The following TTN variants were observed in gnomAD, a reference collection of about 807,000 sequenced individuals.
The protein encoded by TTN is titin.
Under a neutral mutation model 3,223.0 loss-of-function variants are expected in TTN, and 1,525 were observed. The observed-to-expected ratio is 0.47, with a 90% CI of 0.45 to 0.49. The LOEUF is 0.49. Among genes scored for constraint, TTN ranks in the 20% least tolerant of loss-of-function variants. The pLI, the probability that TTN is intolerant of heterozygous loss-of-function variation, is 0.00. For synonymous variants in TTN, 14,094 were observed against 15,161.0 expected (o/e 0.93, Z 5.17); for missense variants, 40,786 against 43,424.0 (o/e 0.94, Z 5.40).
In TTN at chr2:178,739,442, C is replaced by T; in HGVS notation, c.13791G>A (p.Glu4597=). The change falls in exon 48 of 363, where the codon GAG becomes GAA. Residue 4597 remains glutamate (E), a synonymous_variant. Transcript: ENST00000589042. The part of the protein sequence containing the change: ...EVATVKIQEA[E]GGLIKEDGPM... ...GGCCATCCTCTTTGATTAAGCCACC[C>T]TCAGCTTCCTGTATCTTTACTGTAG... is the stretch of plus-strand genomic sequence containing the variant. 1.2e-6 allele frequency: 2 copies of T among 1,613,774 alleles called. No homozygotes were observed. Among genetic ancestry groups the T allele is most frequent in the Non-Finnish European group, 1.7e-6 (2 of 1,179,820 alleles).
chr2:178,669,482 A>G (rs772733994), intron 158 of TTN, 35 bp from the exon 159 acceptor site: 2 of 1,566,954 alleles, frequency 1.3e-6, no homozygotes, highest in Non-Finnish European at 1.7e-6. Context: ...TGTTACAGAT[A>G]ACAAATATAA....
At position 178,533,433 on chromosome 2, in the gene TTN, T is replaced by C. The variant is rs1434132972; in HGVS notation, c.103182A>G (p.Leu34394=). 1.9e-6 allele frequency: 3 copies of C among 1,613,808 alleles called. No homozygotes were observed. In the African/African-American group the frequency reaches 4.0e-5, roughly 22 times the overall value. ...GTGGCTGACCATCTTTCTCCCATTT[T>C]AATGTTGGTGGGGGGATGCCAGACA... ...IRVSGIPPPT[L]KWEKDGQPLS... is the part of the protein sequence containing the mutation. The change falls in exon 358 of 363, where the codon TTA becomes TTG. Residue 34394 remains leucine, a synonymous_variant. Transcript: ENST00000589042.
chr2:178,727,411 A>C (rs1337957694), intron 68 of TTN, 40 bp from the exon 69 acceptor site: 2 of 1,523,694 alleles, frequency 1.3e-6, no homozygotes, highest in Non-Finnish European at 1.8e-6. Flanking sequence ...GGGAACAGAA[A>C]TAAATAACAA....
At position 178,583,812 on chromosome 2, in the gene TTN, A is replaced by C. The variant is rs764130758; in HGVS notation, c.65370T>G (p.Ile21790Met). Reference sequence around the variant, plus strand: ...GTTTGCAAGCTTCTACGAAATAGCCAATAATTTTACTGCCTCCATCATGCT... The same window carrying C: ...GTTTGCAAGCTTCTACGAAATAGCCCATAATTTTACTGCCTCCATCATGCT... Reference protein sequence around the residue: ...RPKHDGGSKIIGYFVEACKLP... With the variant: ...RPKHDGGSKIMGYFVEACKLP... The change falls in exon 312 of 363, where the codon ATT (isoleucine) becomes ATG (methionine). Residue 21790 changes from isoleucine (I) to methionine (M), a missense_variant. Physicochemically the swap from Ile to Met is conservative, Grantham distance 10 (BLOSUM62 1). Transcript: ENST00000589042. The C allele has an allele frequency of 6.2e-7, 1 of 1,610,156 alleles. No homozygotes were observed. The highest frequency in any genetic ancestry group is 1.3e-5 in the African/African-American group (1 of 74,976).
In TTN at chr2:178,732,641, G is replaced by T. The variant is rs1462774944; in HGVS notation, c.16420C>A (p.Gln5474Lys). The change falls in exon 56 of 363, where the codon CAA (glutamine) becomes AAA (lysine). Residue 5474 changes from glutamine (Q) to lysine (K), a missense_variant. Coordinates refer to ENST00000589042, the MANE Select transcript of TTN (RefSeq NM_001267550.2). ...GSAVCLKSTF[Q>K]GSTPLTIRWF... The stretch of plus-strand genomic sequence containing the variant: ...CTGATTGTGAGAGGAGTAGATCCTT[G>T]GAAAGTGCTCTTCAGGCAGACTGCT... 3 of 1,612,760 alleles carry T rather than the reference G, an allele frequency of 1.9e-6. No homozygotes were observed. In the African/African-American group the frequency reaches 4.0e-5, roughly 22 times the overall value.
chr2:178,583,400 A>AT, intron 312 of TTN, 173 bp from the exon 313 acceptor site: 1 of 841,320 alleles, frequency 1.2e-6, no homozygotes, highest in Non-Finnish European at 1.7e-6. Flanking sequence ...ATAACTATTG[A>AT]AATTATATAG....
rs781508217 is a variant in TTN at position 178,704,541 on chromosome 2, T to G, written c.29931A>C (p.Pro9977=). The G allele has an allele frequency of 2.0e-5, 33 of 1,612,496 alleles. No individual in the cohort carries two copies. Among genetic ancestry groups the G allele is most frequent in the Non-Finnish European group, 2.7e-5 (32 of 1,179,116 alleles). The change falls in exon 105 of 363, where the codon CCA becomes CCC. Residue 9977 remains proline, a synonymous_variant. Transcript: ENST00000589042. ...DQGNYRLVCG[P]HIASAKLTVI... Reference sequence around the variant, plus strand: ...CAGTTAGTTTAGCGCTAGCGATGTGTGGACCACAAACCAATCGATAATTGC... The same window carrying G: ...CAGTTAGTTTAGCGCTAGCGATGTGGGGACCACAAACCAATCGATAATTGC...
rs765524995 is a variant in TTN at position 178,728,417 on chromosome 2, A to G, written c.19427-20T>C. 3.2e-6 allele frequency: 5 copies of G among 1,583,618 alleles called. No individual in the cohort carries two copies. The highest frequency in any genetic ancestry group is 1.7e-4 in the Middle Eastern group (1 of 5,916). On this transcript the variant is annotated intron_variant, in intron 66 of 362. Transcript: ENST00000589042. Reference sequence around the variant, plus strand: ...TTTGATCTGTCCAATGCAAACAGCAAAACACATCCATTAATCTCTTGCTAT... The same window carrying G: ...TTTGATCTGTCCAATGCAAACAGCAGAACACATCCATTAATCTCTTGCTAT...
In TTN at chr2:178,607,036, C is replaced by T; in HGVS notation, c.53566G>A (p.Ala17856Thr). ...TCTCTTTTACCTAGTGGATCAACTG[C>T]AAGAATTGGTCCTATTTCAACAGGA... ...GPPVEIGPIL[A>T]VDPLGPPTSP... Residue 17856 changes from alanine to threonine, a missense_variant, in exon 278 of 363, where the codon GCA becomes ACA. Physicochemically the swap from Ala to Thr is moderately conservative, Grantham distance 58. Transcript: ENST00000589042. 1 of 1,609,182 alleles carries T rather than the reference C, an allele frequency of 6.2e-7. No individual in the cohort carries two copies. Among genetic ancestry groups the T allele is most frequent in the Non-Finnish European group, 8.5e-7 (1 of 1,178,366 alleles).
chr2:178,571,562 T>A lies in TTN; in HGVS notation c.74570A>T (p.Gln24857Leu). The A allele has an allele frequency of 6.2e-7, 1 of 1,613,268 alleles. No homozygotes were observed. The highest frequency in any genetic ancestry group is 8.5e-7 in the Non-Finnish European group (1 of 1,179,596). ...EKRDTSTTTW[Q>L]IVSATVARTT... is the part of the protein sequence containing the mutation. ...CCTTGCAACTGTAGCTGATACAATT[T>A]GCCAGGTGGTTGTGGAAGTGTCCCG... The change falls in exon 326 of 363, where the codon CAA (glutamine) becomes CTA (leucine). Residue 24857 changes from glutamine to leucine, a missense_variant. By Grantham distance (113) the Gln-to-Leu change is moderately radical (BLOSUM62 -2). Transcript: ENST00000589042.
rs115119858 is a variant in TTN, at chr2:178,688,688, G to A, written c.32186C>T (p.Thr10729Met). 2.1e-4 allele frequency: 334 copies of A among 1,612,070 alleles called. No individual in the cohort carries two copies. The African/African-American group carries it at 4.1e-3, about 20-fold the overall frequency. ...SFAVPQRVEV[T>M]RHEVSAEEEW... ...TTCCGATTATATACCTTCGTGCCGC[G>A]TGACTTCCACTCTTTGAGGAACTGC... Residue 10729 changes from threonine (T) to methionine (M), a missense_variant, in exon 126 of 363, where the codon ACG becomes ATG. By Grantham distance (81) the Thr-to-Met change is moderately conservative (BLOSUM62 -1). Transcript: ENST00000589042.
chr2:178,530,019 G>T lies in TTN; in HGVS notation c.106472C>A (p.Thr35491Asn), dbSNP rs1461069852. 6.2e-7 allele frequency: 1 copy of T among 1,609,296 alleles called. No individual in the cohort carries two copies. Among genetic ancestry groups the T allele is most frequent in the Non-Finnish European group, 8.5e-7 (1 of 1,178,808 alleles). ...TCCAGCTGAATTTTTTACTGTACAA[G>T]TATAAAGTCCACTGTCAGAAGTATC... ...KTDTSDSGLY[T>N]CTVKNSAGSV... is the part of the protein sequence containing the mutation. The change falls in exon 359 of 363, where the codon ACT (threonine) becomes AAT (asparagine). Residue 35491 changes from threonine (T) to asparagine (N), a missense_variant. Thr to Asn is a moderately conservative substitution (Grantham distance 65). Transcript: ENST00000589042.
Position 178,561,389 on chromosome 2 carries a change from G to A in TTN, c.84743C>T (p.Pro28248Leu). ...GKCSKSCEPV[P>L]ARDPCDPPGQ... ...AGGAGGGTCACAAGGATCTCTTGCA[G>A]GGACTGGTTCACAAGATTTACTGCA... Residue 28248 changes from proline to leucine, a missense_variant, in exon 326 of 363, where the codon CCT becomes CTT. Physicochemically the swap from Pro to Leu is moderately conservative, Grantham distance 98. Transcript: ENST00000589042. The A allele has an allele frequency of 6.2e-7, 1 of 1,613,730 alleles. No individual in the cohort carries two copies. Among genetic ancestry groups the A allele is most frequent in the Non-Finnish European group, 8.5e-7 (1 of 1,179,780 alleles).
In TTN at chr2:178,612,802, C is replaced by G. The variant is rs55663050; in HGVS notation, c.49919G>C (p.Ser16640Thr). Residue 16640 changes from serine (S) to threonine (T), a missense_variant, in exon 265 of 363, where the codon AGT becomes ACT. Physicochemically the swap from Ser to Thr is moderately conservative, Grantham distance 58. Transcript: ENST00000589042. ...CTTCTCCCGGCAAAGCACAGGGTCA[C>G]TGGGTTCACTGGGTTCACTTTCCCC... ...KAGESEPSEP[S>T]DPVLCREKLY... is the part of the protein sequence containing the mutation. The G allele has an allele frequency of 2.2e-3, 3,545 of 1,612,008 alleles. 53 individuals are homozygous for G. Among genetic ancestry groups the G allele is most frequent in the South Asian group, 0.021 (1,933 of 90,892 alleles).
At chr2:178,782,733 C>A in intron 18 of TTN, 73 bp downstream of exon 18, 1 of 1,610,268 alleles carries the variant, frequency 6.2e-7, no homozygotes, top group Non-Finnish European at 8.5e-7. Context: ...TGCACAGAAA[C>A]CATATTGTGG....
rs955789402 is a variant in TTN at position 178,646,485 on chromosome 2, C to A, written c.40297G>T (p.Glu13433Ter). 1 of 1,542,968 alleles carries A rather than the reference C, an allele frequency of 6.5e-7. No homozygotes were observed. Among genetic ancestry groups the A allele is most frequent in the Non-Finnish European group, 8.8e-7 (1 of 1,141,094 alleles). Residue 13433 changes from glutamate (E) to a stop codon, truncating the protein, a stop_gained and splice_region_variant, in exon 216 of 363, where the codon GAA becomes TAA. Coordinates refer to ENST00000589042, the MANE Select transcript of TTN (RefSeq NM_001267550.2). LOFTEE classifies it high-confidence loss of function. ...EPQPEEIPVKEPEPEKVIEKP... is the reference protein window; with the variant it reads ...EPQPEEIPVK ...GATTTAAGTCCACTGGATTGAATAC[C>A]TTTTACTGGTATTTCTTCAGGCTGT...
At chr2:178,780,562 G>C (rs16866533) in intron 21 of TTN, among the ~76,000 whole-genome samples, 2,170 of 152,300 alleles carry the variant, frequency 0.014, 53 homozygotes, top group African/African-American at 0.049. Flanking sequence ...TTTCCTCTAA[G>C]GGATACTGTG....
At chr2:178,716,266 T>C (rs1358375545) in intron 88 of TTN, among the ~76,000 whole-genome samples, 1 of 152,176 alleles carries the variant, frequency 6.6e-6, no homozygotes, top group Non-Finnish European at 1.5e-5. Context: ...TTTCCTCTTT[T>C]AGGTGTTAAA....
Position 178,681,156 on chromosome 2 carries a change from T to A in TTN, c.33263A>T (p.Lys11088Met), listed in dbSNP as rs769746827. Residue 11088 changes from lysine to methionine, a missense_variant, in exon 138 of 363, where the codon AAG becomes ATG. Transcript: ENST00000589042. ...ACGTATTTTTTCCTCAAAAACTTTC[T>A]TTGGTTCTTCAGGCACTTTAAAGAT... Reference protein sequence around the residue: ...PPPPKVPEEPKKVFEEKIRIS... With the variant: ...PPPPKVPEEPMKVFEEKIRIS... 16 of 1,602,976 alleles carry A rather than the reference T, an allele frequency of 1.0e-5. No homozygotes were observed. The South Asian group carries it at 1.8e-4, about 18-fold the overall frequency.
Sources: gnomAD v4.1 joint callset for allele counts (sites outside exome capture counted in the v4.1 genomes callset) on GRCh38, gnomAD v4.1.1 for gene constraint, MANE v1.5 for transcripts, NCBI Gene and HGNC (gene_info 2026-07-23, HGNC 2026-07-21) for gene names.